Variants in GRID1 observed in about 807,000 individuals in gnomAD.
GRID1 encodes glutamate receptor ionotropic, delta-1.
Under a neutral mutation model 98.0 loss-of-function variants are expected in GRID1, and 28 were observed. The observed-to-expected ratio is 0.29, with a 90% CI of 0.21 to 0.39. GRID1 has a LOEUF of 0.39. GRID1 is among the 10% of genes least tolerant of loss of function. GRID1 has a pLI of 1.00. For missense variants in GRID1, 1,111 were observed against 1,340.5 expected (o/e 0.83, Z 2.67); for synonymous variants, 553 against 538.5 (o/e 1.03, Z -0.37).
chr10:86,161,806 A>G (rs1347707368), intron 3 of GRID1, among the ~76,000 whole-genome samples: 3 of 152,200 alleles, frequency 2.0e-5, no homozygotes, highest in Non-Finnish European at 4.4e-5. Context: ...GATCACTGAA[A>G]TGGCCGGAGG....
chr10:86,301,183 A>T (rs1034044615), intron 2 of GRID1, among the ~76,000 whole-genome samples: 4 of 152,178 alleles, frequency 2.6e-5, no homozygotes, highest in Non-Finnish European at 5.9e-5. Context: ...CACCACGAGG[A>T]CCAAGCCACA....
intron 12 of GRID1, among the ~76,000 whole-genome samples, chr10:85,672,813 G>T (rs1165600757): frequency 6.6e-6 from 1 of 152,152 alleles, no homozygotes; most frequent in African/African-American, 2.4e-5. Flanking sequence ...TTGTCTTCAT[G>T]CCTGTTATTA....
chr10:86,162,213 A>G (rs1845333034), intron 3 of GRID1, among the ~76,000 whole-genome samples: 1 of 152,176 alleles, frequency 6.6e-6, no homozygotes. Context: ...GTGGTGTCCC[A>G]GGCAGCAAGG....
intron 4 of GRID1, among the ~76,000 whole-genome samples, chr10:86,066,247 G>T (rs909477576): frequency 6.6e-6 from 1 of 152,156 alleles, no homozygotes; most frequent in Non-Finnish European, 1.5e-5. Context: ...CAGGGATGTT[G>T]CTCCACGGTG....
At chr10:85,661,954 G>C (rs1840969869) in intron 12 of GRID1, among the ~76,000 whole-genome samples, 2 of 152,202 alleles carry the variant, frequency 1.3e-5, no homozygotes, top group African/African-American at 4.8e-5. Context: ...CTCTTTGCCT[G>C]CTGTCTCTCT....
chr10:86,217,639 C>A (rs1484040528), intron 2 of GRID1, among the ~76,000 whole-genome samples: 1 of 152,170 alleles, frequency 6.6e-6, no homozygotes, highest in South Asian at 2.1e-4. Flanking sequence ...ATTCCACATG[C>A]CTGCGGGTTT....
chr10:86,101,465 T>C (rs866395944), intron 4 of GRID1, among the ~76,000 whole-genome samples: 1 of 152,130 alleles, frequency 6.6e-6, no homozygotes, highest in South Asian at 2.1e-4. Flanking sequence ...AAAACACCAA[T>C]GAGTTTTCTG....
At chr10:86,110,256 G>A (rs1339338017) in intron 4 of GRID1, among the ~76,000 whole-genome samples, 2 of 152,164 alleles carry the variant, frequency 1.3e-5, no homozygotes, top group African/African-American at 4.8e-5. Context: ...TTACAGGCAT[G>A]AGCCACCGCC....
intron 2 of GRID1, among the ~76,000 whole-genome samples, chr10:86,312,579 C>T (rs1323470397): frequency 1.3e-5 from 2 of 152,242 alleles, no homozygotes; most frequent in Admixed American, 6.5e-5. Flanking sequence ...CAGTGGGTGC[C>T]ATGGAAGGAA....
At chr10:85,853,092 G>C (rs1337212036) in intron 8 of GRID1, among the ~76,000 whole-genome samples, 1 of 151,888 alleles carries the variant, frequency 6.6e-6, no homozygotes, top group African/African-American at 2.4e-5. Flanking sequence ...GGCCATCCCA[G>C]TCTCTCCCTG....
rs550787673 is a variant in GRID1, at chr10:86,107,113, A to G, written c.726+31706T>C. Among the ~76,000 whole-genome samples the G allele has an allele frequency of 5.5e-4, 84 of 152,338 alleles. 1 individual carries two copies. The highest frequency in any genetic ancestry group is 1.9e-3 in the African/African-American group (79 of 41,586). ...GCTTTCCCAGTGCAGGCACAGCAGG[A>G]AAGCCCAGCCTGGAACCCAGATATT... On this transcript the variant is annotated intron_variant, in intron 4 of 15. Transcript: ENST00000327946.
intron 4 of GRID1, among the ~76,000 whole-genome samples, chr10:86,000,970 G>A (rs1378669534): frequency 6.6e-6 from 1 of 152,114 alleles, no homozygotes; most frequent in Admixed American, 6.5e-5. Context: ...GGTGAATGGA[G>A]AAACCAACTA....
At chr10:85,708,741 T>C (rs1370123409) in intron 12 of GRID1, 1 of 153,646 alleles carries the variant, frequency 6.5e-6, no homozygotes, top group African/African-American at 2.4e-5. Flanking sequence ...ATACACCCAT[T>C]GCAGTCAGTC....
chr10:86,351,195 G>A (rs1458701219), intron 2 of GRID1, among the ~76,000 whole-genome samples: 1 of 152,238 alleles, frequency 6.6e-6, no homozygotes, highest in Non-Finnish European at 1.5e-5. Context: ...AGGAGGATCA[G>A]CTGAAATGGC....
chr10:86,130,282 G>A (rs1844815983), intron 4 of GRID1, among the ~76,000 whole-genome samples: 1 of 152,244 alleles, frequency 6.6e-6, no homozygotes, highest in African/African-American at 2.4e-5. Flanking sequence ...ACCAAGGCCA[G>A]ATTCCTACCA....
At chr10:86,335,293 T>C (rs986365035) in intron 2 of GRID1, among the ~76,000 whole-genome samples, 5 of 152,264 alleles carry the variant, frequency 3.3e-5, no homozygotes, top group African/African-American at 1.2e-4. Flanking sequence ...ATTTTACCTA[T>C]GCTGCCTTGG....
At chr10:85,843,827 A>G (rs990781631) in intron 8 of GRID1, among the ~76,000 whole-genome samples, 2 of 152,228 alleles carry the variant, frequency 1.3e-5, no homozygotes, top group Admixed American at 6.5e-5. Flanking sequence ...TATGCATTTC[A>G]TGGCTGAAGT....
At chr10:86,270,461 G>A (rs182795473) in intron 2 of GRID1, among the ~76,000 whole-genome samples, 9 of 152,112 alleles carry the variant, frequency 5.9e-5, no homozygotes, top group East Asian at 3.9e-4. Context: ...AGACCAAGGC[G>A]GGTGGATCAC....
chr10:85,965,055 A>G (rs371497685), intron 4 of GRID1, among the ~76,000 whole-genome samples: 38 of 152,388 alleles, frequency 2.5e-4, no homozygotes, highest in African/African-American at 8.4e-4. Flanking sequence ...ATCACTGATC[A>G]TTAGAGAAAT....
Sources: allele counts gnomAD v4.1 joint callset (sites outside exome capture counted in the v4.1 genomes callset), GRCh38; gene constraint gnomAD v4.1.1; transcripts MANE v1.5; gene names NCBI Gene and HGNC (gene_info 2026-07-23, HGNC 2026-07-21).